The following SNTG1 variants were observed in gnomAD, a reference collection of about 807,000 sequenced individuals.
SNTG1 encodes the protein gamma-1-syntrophin.
A neutral mutation model predicts 74.7 loss-of-function variants in SNTG1; 39 were observed. The ratio of observed to expected loss-of-function variants is 0.52; its 90% CI spans 0.40 to 0.68. The LOEUF (loss-of-function observed/expected upper bound fraction) is 0.68. Ranked by LOEUF, SNTG1 falls within the 30% of genes least tolerant of loss-of-function variation. The probability of loss-of-function intolerance (pLI) is 0.00; values close to 1 mark genes in which losing one functional copy is unlikely to be tolerated. For missense variants in SNTG1, 685 were observed against 609.5 expected (o/e 1.12, Z -1.30); for synonymous variants, 254 against 217.1 (o/e 1.17, Z -1.49).
chr8:50,425,871 A>G (rs926640221), intron 4 of SNTG1, among the ~76,000 whole-genome samples: 2 of 152,212 alleles, frequency 1.3e-5, no homozygotes, highest in African/African-American at 2.4e-5. Flanking sequence ...GCAGTGAAGA[A>G]GCAAACTGGA....
At chr8:50,225,957 AT>A (rs1301924729) in intron 2 of SNTG1, among the ~76,000 whole-genome samples, 1 of 152,212 alleles carries the variant, frequency 6.6e-6, no homozygotes, top group African/African-American at 2.4e-5. Context: ...AATTTACACT[AT>A]TGTTAATTAT....
chr8:50,396,232 T>C (rs1587464485), intron 3 of SNTG1, among the ~76,000 whole-genome samples: 1 of 152,210 alleles, frequency 6.6e-6, no homozygotes, highest in African/African-American at 2.4e-5. Flanking sequence ...GGAAATTAAA[T>C]CACTCATGTG....
chr8:50,644,119 G>C (rs578244024), intron 13 of SNTG1: 1 of 152,212 alleles, frequency 6.6e-6, no homozygotes, highest in Non-Finnish European at 1.5e-5. Flanking sequence ...CAGTGGCCAC[G>C]CAATGTCATC....
At chr8:50,278,370 A>T (rs2088236993) in intron 2 of SNTG1, among the ~76,000 whole-genome samples, 2 of 152,156 alleles carry the variant, frequency 1.3e-5, no homozygotes, top group African/African-American at 4.8e-5. Flanking sequence ...CTGGCTTTGT[A>T]CTTTATGTCT....
chr8:49,972,957 G>T (rs1341510277), intron 1 of SNTG1, among the ~76,000 whole-genome samples: 2 of 152,146 alleles, frequency 1.3e-5, no homozygotes, highest in African/African-American at 4.8e-5. Flanking sequence ...TTGGTGTGGC[G>T]ATTCCTCAGG....
chr8:50,437,015 A>G (rs550423631), intron 4 of SNTG1, among the ~76,000 whole-genome samples: 130 of 152,270 alleles, frequency 8.5e-4, no homozygotes, highest in Admixed American at 1.9e-3. Context: ...CAAATAGTTC[A>G]TCTTATATTT....
chr8:50,051,068 C>T (rs546844263), intron 1 of SNTG1, among the ~76,000 whole-genome samples: 1 of 151,908 alleles, frequency 6.6e-6, no homozygotes, highest in Non-Finnish European at 1.5e-5. Context: ...AATACTTTCC[C>T]CCTAAGACTG....
At chr8:50,407,149 C>G (rs747251958) in intron 4 of SNTG1, among the ~76,000 whole-genome samples, 33 of 152,136 alleles carry the variant, frequency 2.2e-4, no homozygotes, top group Non-Finnish European at 4.0e-4. Flanking sequence ...CCTCTCTTAT[C>G]AGCTAATTAT....
intron 1 of SNTG1, among the ~76,000 whole-genome samples, chr8:50,168,045 C>T (rs897734618): frequency 2.0e-5 from 3 of 151,842 alleles, no homozygotes; most frequent in South Asian, 2.1e-4. Context: ...ACTTCTTGTG[C>T]TTTATTTCTC....
intron 2 of SNTG1, among the ~76,000 whole-genome samples, chr8:50,320,676 T>C (rs1242304379): frequency 6.6e-6 from 1 of 152,038 alleles, no homozygotes; most frequent in Non-Finnish European, 1.5e-5. Flanking sequence ...CTTTGAACTG[T>C]ATTTGCTGTA....
intron 9 of SNTG1, among the ~76,000 whole-genome samples, chr8:50,504,692 T>C (rs2093991740): frequency 6.6e-6 from 1 of 152,092 alleles, no homozygotes; most frequent in African/African-American, 2.4e-5. Context: ...TTCCAGCTAC[T>C]TGGGAGTCTG....
intron 9 of SNTG1, among the ~76,000 whole-genome samples, chr8:50,525,346 T>G (rs2094211531): frequency 6.6e-6 from 1 of 152,180 alleles, no homozygotes; most frequent in Non-Finnish European, 1.5e-5. Context: ...AATAATGAGT[T>G]TCAGTGTGAG....
At chr8:50,486,634 C>A (rs965182461) in intron 8 of SNTG1, among the ~76,000 whole-genome samples, 2 of 146,180 alleles carry the variant, frequency 1.4e-5, no homozygotes, top group African/African-American at 5.0e-5. Flanking sequence ...TAATTGAATA[C>A]CCTTTATTTC....
intron 18 of SNTG1, among the ~76,000 whole-genome samples, chr8:50,757,569 T>C (rs1022370029): frequency 1.3e-5 from 2 of 151,886 alleles, no homozygotes; most frequent in Non-Finnish European, 2.9e-5. Context: ...GCCTTTAACA[T>C]TGAAAGTGGA....
At chr8:50,660,902 GA>G (rs1248497035) in intron 15 of SNTG1, among the ~76,000 whole-genome samples, 2 of 152,014 alleles carry the variant, frequency 1.3e-5, no homozygotes, top group African/African-American at 4.8e-5. Flanking sequence ...TATGTCTTGA[GA>G]TTTTTTTCTA....
chr8:50,679,120 G>A (rs2202797), intron 15 of SNTG1, among the ~76,000 whole-genome samples: 85,591 of 151,928 alleles, frequency 0.56, 26,209 homozygotes, highest in East Asian at 0.68. Flanking sequence ...CAGCCTGTGG[G>A]CTTCATAGAA....
At chr8:50,041,948 CTA>C (rs1818675428) in intron 1 of SNTG1, among the ~76,000 whole-genome samples, 1 of 152,190 alleles carries the variant, frequency 6.6e-6, no homozygotes, top group Non-Finnish European at 1.5e-5. Flanking sequence ...TTGAATATCT[CTA>C]TCTTGTCTTA....
intron 2 of SNTG1, among the ~76,000 whole-genome samples, chr8:50,268,201 CAT>C (rs1396822191): frequency 2.0e-5 from 3 of 152,000 alleles, no homozygotes; most frequent in Non-Finnish European, 4.4e-5. Context: ...TTTAACAAAA[CAT>C]GTATAAGATC....
At chr8:50,476,576 T>G (rs567463200) in intron 8 of SNTG1, among the ~76,000 whole-genome samples, 2 of 152,180 alleles carry the variant, frequency 1.3e-5, no homozygotes, top group Admixed American at 6.6e-5. Context: ...ATGGATAGGA[T>G]ACAGTTGGGG....
Sources: gnomAD v4.1 joint callset for allele counts (sites outside exome capture counted in the v4.1 genomes callset) on GRCh38, gnomAD v4.1.1 for gene constraint, MANE v1.5 for transcripts, NCBI Gene and HGNC (gene_info 2026-07-23, HGNC 2026-07-21) for gene names.